Variants in NLN observed in about 807,000 individuals in gnomAD.
NLN encodes the protein neurolysin, mitochondrial.
Under a neutral mutation model 79.9 loss-of-function variants are expected in NLN, and 64 were observed. That is an observed-to-expected ratio of 0.80 (90% CI 0.65 to 0.99). The LOEUF (loss-of-function observed/expected upper bound fraction) is 0.99. Ranked by LOEUF, NLN falls within the 50% of genes least tolerant of loss-of-function variation. The probability of loss-of-function intolerance (pLI) is 0.00; values close to 1 mark genes in which losing one functional copy is unlikely to be tolerated. For missense variants in NLN, 835 were observed against 858.7 expected, an observed-to-expected ratio of 0.97 and a Z score of 0.34; for synonymous variants, 267 against 296.6, an observed-to-expected ratio of 0.90 and a Z score of 1.02.
rs576763533 is a variant in NLN, at chr5:65,781,494, T to G, written c.822+73T>G. 6 of 1,106,462 alleles carry G rather than the reference T, an allele frequency of 5.4e-6. No homozygotes were observed. In the East Asian group the frequency reaches 9.5e-5, roughly 17 times the overall value. 68.5% of individuals were successfully genotyped at this position (1,106,462 alleles called of 1,614,324 possible). ...GAAAAGGGTTTACTTTGTTCACCAG[T>G]GTCAAAGTCAGCTCAGAGACTGATA... On this transcript the variant is annotated intron_variant, in intron 6 of 12. Transcript: ENST00000380985.
intron 9 of NLN, among the ~76,000 whole-genome samples, chr5:65,794,904 G>T (rs1217885366): frequency 6.6e-6 from 1 of 151,980 alleles, no homozygotes; most frequent in Non-Finnish European, 1.5e-5. Flanking sequence ...TCTTTAACCT[G>T]GTGCTTCCAT....
intron 9 of NLN, chr5:65,809,239 A>G (rs1453620968): frequency 1.7e-5 from 5 of 298,216 alleles, no homozygotes; most frequent in Non-Finnish European, 3.1e-5. Flanking sequence ...GACTGATTGT[A>G]TTTTTCAGTT....
intron 8 of NLN, among the ~76,000 whole-genome samples, chr5:65,790,307 T>G (rs1760026793): frequency 6.6e-6 from 1 of 152,166 alleles, no homozygotes; most frequent in African/African-American, 2.4e-5. Context: ...AGAAGTGTCT[T>G]TTAGCACCTA....
At chr5:65,747,179 C>T (rs1008838820) in intron 1 of NLN, among the ~76,000 whole-genome samples, 6 of 151,870 alleles carry the variant, frequency 4.0e-5, no homozygotes, top group Non-Finnish European at 8.8e-5. Flanking sequence ...CAGCTATGTT[C>T]GTAGGAGGGA....
At position 65,763,013 on chromosome 5, in the gene NLN, C is replaced by G. The variant is rs143150546; in HGVS notation, c.355C>G (p.Arg119Gly). 1.2e-5 allele frequency: 20 copies of G among 1,613,730 alleles called. No homozygotes were observed. Among genetic ancestry groups the G allele is most frequent in the Non-Finnish European group, 1.7e-5 (20 of 1,179,912 alleles). Residue 119 changes from arginine to glycine, a missense_variant, in exon 3 of 13, where the codon CGA (arginine) becomes GGA (glycine). Physicochemically the swap from Arg to Gly is moderately radical, Grantham distance 125. Coordinates refer to ENST00000380985, the MANE Select transcript of NLN (RefSeq NM_020726.5). ...PQHVSSDKEV[R>G]AASTEADKRL... is the part of the protein sequence containing the mutation. The stretch of plus-strand genomic sequence containing the variant: ...GCATGTATCCTCTGACAAAGAAGTA[C>G]GAGCAGCAAGTACAGAAGCAGACAA...
intron 1 of NLN, among the ~76,000 whole-genome samples, chr5:65,736,713 T>A (rs1157559079): frequency 6.6e-6 from 1 of 152,240 alleles, no homozygotes; most frequent in Non-Finnish European, 1.5e-5. Flanking sequence ...CCTGTTTATG[T>A]CTTTTGCCCA....
intron 3 of NLN, 143 bp from the exon 4 acceptor site, chr5:65,777,284 G>T (rs1357456787): frequency 1.6e-6 from 1 of 615,894 alleles, no homozygotes; most frequent in Non-Finnish European, 2.9e-6. Context: ...AAGAAATTAG[G>T]TCTTCAATAG....
chr5:65,824,436 CCA>C lies in NLN; in HGVS notation c.*1527_*1528del, dbSNP rs933239069. The C allele has an allele frequency of 4.0e-5, 6 of 148,778 alleles. No individual in the cohort carries two copies. The highest frequency in any genetic ancestry group is 1.5e-4 in the African/African-American group (6 of 38,854). 9.2% of individuals were successfully genotyped at this position (148,778 alleles called of 1,614,324 possible). ...GATAATTTGCCCAGCCCTTCTCTTCCCACACACTCACTCAATGTCACCCCCTT... is the reference window on the plus strand; with the variant it reads ...GATAATTTGCCCAGCCCTTCTCTTCCCACACTCACTCAATGTCACCCCCTT... On this transcript the variant is annotated 3_prime_UTR_variant, in exon 13 of 13. Coordinates refer to ENST00000380985, the MANE Select transcript of NLN (RefSeq NM_020726.5).
At chr5:65,759,068 A>T (rs181860741) in intron 2 of NLN, among the ~76,000 whole-genome samples, 77 of 152,294 alleles carry the variant, frequency 5.1e-4, no homozygotes, top group African/African-American at 1.7e-3. Context: ...TAAGACATTC[A>T]TACCCTTGCT....
chr5:65,821,260 T>C (rs981007205), intron 12 of NLN, among the ~76,000 whole-genome samples: 1 of 152,146 alleles, frequency 6.6e-6, no homozygotes. Flanking sequence ...TGTACCTTTT[T>C]AATATCATAC....
At chr5:65,745,476 C>T (rs1442264697) in intron 1 of NLN, among the ~76,000 whole-genome samples, 2 of 152,182 alleles carry the variant, frequency 1.3e-5, no homozygotes, top group South Asian at 2.1e-4. Context: ...CCCAGCTGCA[C>T]AAATGCTATG....
chr5:65,747,628 C>T (rs542984953), intron 1 of NLN, among the ~76,000 whole-genome samples: 7 of 152,190 alleles, frequency 4.6e-5, no homozygotes, highest in Admixed American at 4.6e-4. Context: ...TGTACGGATG[C>T]CCCCACCTAT....
chr5:65,764,118 A>AT (rs1272302464), intron 3 of NLN, among the ~76,000 whole-genome samples: 2 of 151,362 alleles, frequency 1.3e-5, no homozygotes, highest in Non-Finnish European at 3.0e-5. Flanking sequence ...TTGTTGTTCT[A>AT]TTTTTTTTAT....
chr5:65,808,377 G>A (rs1389140127), intron 9 of NLN, among the ~76,000 whole-genome samples: 2 of 152,168 alleles, frequency 1.3e-5, no homozygotes, highest in South Asian at 2.1e-4. Context: ...GAGCCCCAGG[G>A]ATGATGAAGT....
At chr5:65,770,398 A>G (rs1759541812) in intron 3 of NLN, among the ~76,000 whole-genome samples, 1 of 152,270 alleles carries the variant, frequency 6.6e-6, no homozygotes, top group Non-Finnish European at 1.5e-5. Flanking sequence ...AAACGCACAT[A>G]GCAATCAAAT....
rs1759269445 is a variant in NLN, at chr5:65,758,544, ATTC to A, written c.42-20_42-18del. ...GGACCAACAGAAATCCCTAATTCTT[ATTC>A]TTTTTCTGATTCTTTTTAGAGTTGG... is the stretch of plus-strand genomic sequence containing the variant. On this transcript the variant is annotated intron_variant, in intron 1 of 12. Transcript: ENST00000380985. 1.3e-6 allele frequency: 2 copies of A among 1,568,306 alleles called. No homozygotes were observed. The highest frequency in any genetic ancestry group is 1.8e-6 in the Non-Finnish European group (2 of 1,141,224).
chr5:65,783,537 C>T (rs964510836), intron 6 of NLN, among the ~76,000 whole-genome samples: 37 of 152,026 alleles, frequency 2.4e-4, no homozygotes, highest in Admixed American at 8.5e-4. Context: ...GGCTGGGAAA[C>T]GTAATTAGGT....
At chr5:65,811,284 AG>A (rs1760539429) in intron 11 of NLN, among the ~76,000 whole-genome samples, 1 of 152,194 alleles carries the variant, frequency 6.6e-6, no homozygotes, top group Non-Finnish European at 1.5e-5. Context: ...AGTAAGCCAT[AG>A]TGCACCTTTG....
chr5:65,741,192 G>C (rs2561223), intron 1 of NLN, among the ~76,000 whole-genome samples: 35,994 of 151,898 alleles, frequency 0.24, 4,403 homozygotes, highest in African/African-American at 0.27. Flanking sequence ...GTTTTGAAGT[G>C]AGGTAGTATG....
Sources: gnomAD v4.1 joint callset for allele counts (sites outside exome capture counted in the v4.1 genomes callset) on GRCh38, gnomAD v4.1.1 for gene constraint, MANE v1.5 for transcripts, NCBI Gene and HGNC (gene_info 2026-07-23, HGNC 2026-07-21) for gene names.